Variants in MYO18A observed in about 807,000 individuals in gnomAD.
The protein encoded by MYO18A is unconventional myosin-XVIIIa.
MYO18A carries 78 observed loss-of-function variants against 235.8 expected under a neutral mutation model. That is an observed-to-expected ratio of 0.33 (90% CI 0.28 to 0.40). The LOEUF (loss-of-function observed/expected upper bound fraction) is 0.40. Ranked by LOEUF, MYO18A falls within the 10% of genes least tolerant of loss-of-function variation. The pLI, the probability that MYO18A is intolerant of heterozygous loss-of-function variation, is 1.00. For synonymous variants in MYO18A, 977 were observed against 1,077.8 expected, an observed-to-expected ratio of 0.91 and a Z score of 1.83; for missense variants, 2,215 against 2,699.3, an observed-to-expected ratio of 0.82 and a Z score of 3.98.
chr17:29,153,812 T>C (rs999105063), intron 2 of MYO18A, among the ~76,000 whole-genome samples: 1 of 152,172 alleles, frequency 6.6e-6, no homozygotes, highest in African/African-American at 2.4e-5. Flanking sequence ...TTTGGGATTT[T>C]GAAGAAAATG....
At chr17:29,175,247 C>T (rs2068497033) in intron 1 of MYO18A, among the ~76,000 whole-genome samples, 1 of 151,936 alleles carries the variant, frequency 6.6e-6, no homozygotes, top group Admixed American at 6.6e-5. Flanking sequence ...GGCCACCGCA[C>T]TCGGGCTATA....
chr17:29,133,997 A>C, intron 2 of MYO18A: 19 of 465,046 alleles, frequency 4.1e-5, no homozygotes, highest in Non-Finnish European at 6.2e-5. Flanking sequence ...TACAAAACTC[A>C]AGAGGGCATT....
At chr17:29,151,494 A>T in intron 2 of MYO18A, among the ~76,000 whole-genome samples, 1 of 152,122 alleles carries the variant, frequency 6.6e-6, no homozygotes, top group African/African-American at 2.4e-5. Flanking sequence ...TTAGACTCCT[A>T]TCCACACATG....
intron 1 of MYO18A, among the ~76,000 whole-genome samples, chr17:29,167,999 G>A (rs1026603076): frequency 6.6e-6 from 1 of 152,114 alleles, no homozygotes; most frequent in Non-Finnish European, 1.5e-5. Flanking sequence ...CTGTACAAAG[G>A]AAGAAAATGG....
At chr17:29,077,306 G>T (rs2066005543) in intron 41 of MYO18A, 2 of 152,382 alleles carry the variant, frequency 1.3e-5, no homozygotes, top group African/African-American at 4.8e-5. Context: ...TAACCAAATT[G>T]TTTAAAAAAG....
chr17:29,178,458 C>A (rs1423840553), intron 1 of MYO18A, among the ~76,000 whole-genome samples: 6 of 144,366 alleles, frequency 4.2e-5, no homozygotes, highest in African/African-American at 1.5e-4. Flanking sequence ...ACAATAGCTG[C>A]CCCCAAAGCC....
At chr17:29,099,288 T>G (rs184408464) in intron 22 of MYO18A, among the ~76,000 whole-genome samples, 5 of 152,298 alleles carry the variant, frequency 3.3e-5, no homozygotes, top group African/African-American at 1.2e-4. Context: ...AACCTAATCT[T>G]GCTGAAACAC....
Position 29,093,428 on chromosome 17 carries a change from C to T in MYO18A, c.4822-1G>A. 1 of 1,608,902 alleles carries T rather than the reference C, an allele frequency of 6.2e-7. No individual in the cohort carries two copies. Among genetic ancestry groups the T allele is most frequent in the Non-Finnish European group, 8.5e-7 (1 of 1,178,768 alleles). ...CTAGCTGCACCTCCATCTGTTTTAA[C>T]TGGAGTACCATGGGGACAGAGACCC... On this transcript the variant is annotated splice_acceptor_variant, in intron 31 of 41. Transcript: ENST00000527372. LOFTEE classifies it high-confidence loss of function.
chr17:29,165,746 C>A (rs1355349420), intron 2 of MYO18A, among the ~76,000 whole-genome samples, 196 bp downstream of exon 2: 1 of 152,052 alleles, frequency 6.6e-6, no homozygotes, highest in Non-Finnish European at 1.5e-5. Context: ...GGGGTGGCAC[C>A]CCCAGAGGAT....
intron 1 of MYO18A, among the ~76,000 whole-genome samples, chr17:29,170,217 C>A (rs1352439412): frequency 2.0e-5 from 3 of 152,218 alleles, no homozygotes; most frequent in African/African-American, 4.8e-5. Flanking sequence ...AACCCTGGGG[C>A]CTTCAGAAAA....
rs771546285 is a variant in MYO18A, at chr17:29,140,430, G to T, written c.1000-18177C>A. ...TTAGCAGCTCAAAATAGCACAGGCT[G>T]TGGCCCCGCCCAGTTCCCGCCCTCT... On this transcript the variant is annotated intron_variant, in intron 2 of 41. Transcript: ENST00000527372. The surrounding 1 kb of genome is among the most constrained non-coding windows in gnomAD (Gnocchi z 4.2). 13 of 1,266,694 alleles carry T rather than the reference G, an allele frequency of 1.0e-5. No homozygotes were observed. The highest frequency in any genetic ancestry group is 2.6e-5 in the South Asian group (2 of 77,996). The allele number at this position is 1,266,694 out of a possible 1,614,324, so 78.5% of individuals were successfully genotyped here.
Position 29,140,941 on chromosome 17 carries a change from C to T in MYO18A, c.1000-18688G>A, listed in dbSNP as rs767402109. 2.0e-5 allele frequency among the ~76,000 whole-genome samples: 3 copies of T among 152,266 alleles called. No homozygotes were observed. The highest frequency in any genetic ancestry group is 4.4e-5 in the Non-Finnish European group (3 of 68,046). ...ACAGCCACTAACGTCACATCCAAGACAGCACACGGGGCCCACTGCACACTG... is the reference window on the plus strand; with the variant it reads ...ACAGCCACTAACGTCACATCCAAGATAGCACACGGGGCCCACTGCACACTG... On this transcript the variant is annotated intron_variant, in intron 2 of 41. Transcript: ENST00000527372. The surrounding 1 kb of genome is among the most constrained non-coding windows in gnomAD (Gnocchi z 4.2).
chr17:29,099,139 C>T (rs550285524), intron 22 of MYO18A, among the ~76,000 whole-genome samples, 170 bp from the exon 23 acceptor site: 1 of 152,306 alleles, frequency 6.6e-6, no homozygotes, highest in South Asian at 2.1e-4. Flanking sequence ...CACTCCGTCC[C>T]TCAAAGGGTG....
intron 31 of MYO18A, 22 bp downstream of exon 31, chr17:29,093,958 G>T: frequency 6.4e-7 from 1 of 1,556,314 alleles, no homozygotes; most frequent in Non-Finnish European, 8.8e-7. Context: ...ACGCTGGACA[G>T]GTAAGTACTC....
rs1022474390 is a variant in MYO18A, at chr17:29,117,112, G to A, written c.2039-657C>T. 1.1e-4 allele frequency among the ~76,000 whole-genome samples: 17 copies of A among 152,086 alleles called. No individual in the cohort carries two copies. The highest frequency in any genetic ancestry group is 2.0e-4 in the Admixed American group (3 of 15,280). ...CCTGGGGCCCTTCACATCCCAGAAG[G>A]GGCCAAAGCCAAAGCCCAAGGTGCT... On this transcript the variant is annotated intron_variant, in intron 10 of 41. Coordinates refer to ENST00000527372, the MANE Select transcript of MYO18A (RefSeq NM_078471.4). This position sits in a 1 kb window ranked among gnomAD's most constrained non-coding sequence, Gnocchi z 4.6.
At chr17:29,150,386 G>T (rs1463433901) in intron 2 of MYO18A, among the ~76,000 whole-genome samples, 1 of 152,264 alleles carries the variant, frequency 6.6e-6, no homozygotes, top group Non-Finnish European at 1.5e-5. Context: ...GACATCCTTG[G>T]CGAGGAAAGG....
At chr17:29,086,911 C>A in intron 38 of MYO18A, 25 bp downstream of exon 38, 3 of 1,597,350 alleles carry the variant, frequency 1.9e-6, no homozygotes, top group Non-Finnish European at 2.6e-6. Flanking sequence ...GCCATGTGGG[C>A]CCCGTGGGGG....
intron 2 of MYO18A, among the ~76,000 whole-genome samples, chr17:29,129,837 TAG>T (rs1159913377): frequency 2.0e-5 from 3 of 152,216 alleles, no homozygotes; most frequent in Non-Finnish European, 4.4e-5. Flanking sequence ...GCTGAAGGGA[TAG>T]AGAGAGTAAG....
At chr17:29,161,966 C>G (rs1319829774) in intron 2 of MYO18A, among the ~76,000 whole-genome samples, 1 of 152,206 alleles carries the variant, frequency 6.6e-6, no homozygotes, top group African/African-American at 2.4e-5. Context: ...AGAACTTTCC[C>G]TAAGGAATCA....
Sources: allele counts gnomAD v4.1 joint callset (sites outside exome capture counted in the v4.1 genomes callset), GRCh38; gene constraint gnomAD v4.1.1; non-coding constraint Gnocchi (gnomAD v3.1); transcripts MANE v1.5; gene names NCBI Gene and HGNC (gene_info 2026-07-23, HGNC 2026-07-21).